MYT1L: variants seen among roughly 807,000 people sequenced by gnomAD.
The protein encoded by MYT1L is myelin transcription factor 1-like protein.
A neutral mutation model predicts 126.7 loss-of-function variants in MYT1L; 12 were observed. The observed-to-expected ratio is 0.09, with a 90% confidence interval of 0.06 to 0.15. The LOEUF (loss-of-function observed/expected upper bound fraction) is 0.15, where lower values mean the gene tolerates loss of function less well. Ranked by LOEUF, MYT1L falls within the 10% of genes least tolerant of loss-of-function variation. The probability of loss-of-function intolerance (pLI) is 1.00; values close to 1 mark genes in which losing one functional copy is unlikely to be tolerated. For missense variants in MYT1L, 979 were observed against 1,585.2 expected, an observed-to-expected ratio of 0.62 and a Z score of 6.49; for synonymous variants, 541 against 604.2, an observed-to-expected ratio of 0.90 and a Z score of 1.53.
intron 21 of MYT1L, chr2:1,816,236 C>T (rs997632630): frequency 6.6e-6 from 1 of 152,602 alleles, no homozygotes; most frequent in Non-Finnish European, 1.5e-5. Context: ...AAGCACTTTC[C>T]AGCTCAGGTA....
chr2:1,810,910 CCTGA>C lies in MYT1L; in HGVS notation c.3081-1747_3081-1744del, dbSNP rs140061192. Among the ~76,000 whole-genome samples, 1,059 of 152,182 alleles carry C rather than the reference CCTGA, an allele frequency of 7.0e-3. 11 individuals carry two copies. The highest frequency in any genetic ancestry group is 0.025 in the African/African-American group (1,021 of 41,506). On this transcript the variant is annotated intron_variant, in intron 21 of 24. Transcript: ENST00000647738. ...AAATTCTAAATAATCATTGCTGTTG[CCTGA>C]CTGTGTCCCCTGAAAACTCGTGCAC...
chr2:2,166,145 T>G (rs2089073920), intron 3 of MYT1L, among the ~76,000 whole-genome samples: 1 of 152,210 alleles, frequency 6.6e-6, no homozygotes. Context: ...CTCGTCTCCT[T>G]ATTTCCTTTC....
rs1269904211 is a variant in MYT1L, at chr2:1,852,197, G to A, written c.2712-494C>T. Among the ~76,000 whole-genome samples the A allele has an allele frequency of 1.3e-5, 2 of 152,158 alleles. No individual in the cohort carries two copies. Among genetic ancestry groups the A allele is most frequent in the Non-Finnish European group, 2.9e-5 (2 of 68,026 alleles). On this transcript the variant is annotated intron_variant, in intron 18 of 24. Coordinates refer to ENST00000647738, the MANE Select transcript of MYT1L (RefSeq NM_001303052.2). This position sits in a 1 kb window ranked among gnomAD's most constrained non-coding sequence, Gnocchi z 4.0. ...GACTGGCCAGGGCTGCGGCCAGCCTGGGTGGTCCCAGGGAGCAGTGAGGGT... is the reference window on the plus strand; with the variant it reads ...GACTGGCCAGGGCTGCGGCCAGCCTAGGTGGTCCCAGGGAGCAGTGAGGGT...
intron 1 of MYT1L, among the ~76,000 whole-genome samples, chr2:2,312,708 T>C (rs1401161306): frequency 1.3e-5 from 2 of 152,204 alleles, no homozygotes; most frequent in Admixed American, 6.5e-5. Context: ...ACTCTTCTTA[T>C]GTTTGGATCC....
chr2:1,904,506 C>T (rs376443963), intron 13 of MYT1L, among the ~76,000 whole-genome samples: 16 of 151,502 alleles, frequency 1.1e-4, no homozygotes, highest in African/African-American at 3.9e-4. Context: ...GTAGCTGGGA[C>T]TACAGGCGTG....
At chr2:2,032,018 G>A (rs1307699732) in intron 4 of MYT1L, among the ~76,000 whole-genome samples, 3 of 143,396 alleles carry the variant, frequency 2.1e-5, no homozygotes, top group Admixed American at 1.4e-4. Context: ...TCTAGAACGA[G>A]GGCCTTATAC....
chr2:1,932,481 T>C (rs1219451202), intron 9 of MYT1L, among the ~76,000 whole-genome samples: 4 of 152,170 alleles, frequency 2.6e-5, no homozygotes, highest in Non-Finnish European at 5.9e-5. Flanking sequence ...CTGTTTATTG[T>C]CACACTTAGA....
intron 2 of MYT1L, among the ~76,000 whole-genome samples, chr2:2,206,243 G>T (rs745876871): frequency 1.1e-3 from 164 of 152,222 alleles, no homozygotes; most frequent in Non-Finnish European, 2.1e-3. Context: ...CTCCCAAAGT[G>T]CTGGGATTAT....
intron 2 of MYT1L, among the ~76,000 whole-genome samples, chr2:2,267,943 C>T (rs2095173403): frequency 1.3e-5 from 2 of 152,032 alleles, no homozygotes; most frequent in Admixed American, 6.6e-5. Context: ...TTTAAGGTCA[C>T]GCATCCAATA....
rs566301736 is a variant in MYT1L, at chr2:1,926,488, G to C, written c.506-3225C>G. On this transcript the variant is annotated intron_variant, in intron 9 of 24. Coordinates refer to ENST00000647738, the MANE Select transcript of MYT1L (RefSeq NM_001303052.2). The stretch of plus-strand genomic sequence containing the variant: ...GAATTTTCTGGGCCAGTCTGGGGTT[G>C]AAAATGTGATACAAACAATCCACAA... Among the ~76,000 whole-genome samples, 14 of 152,306 alleles carry C rather than the reference G, an allele frequency of 9.2e-5. 2 individuals carry two copies. In the East Asian group the frequency reaches 2.5e-3, roughly 27 times the overall value.
At chr2:2,164,195 C>T (rs550953447) in intron 3 of MYT1L, among the ~76,000 whole-genome samples, 13 of 152,070 alleles carry the variant, frequency 8.5e-5, no homozygotes, top group South Asian at 6.2e-4. Context: ...TGTGAATAGG[C>T]GTTTGTTTTT....
chr2:2,037,608 T>C (rs1157515289), intron 4 of MYT1L, among the ~76,000 whole-genome samples: 1 of 151,648 alleles, frequency 6.6e-6, no homozygotes, highest in Admixed American at 6.6e-5. Flanking sequence ...ATACAAAAAC[T>C]AGCTGGTCAT....
At chr2:2,315,871 A>C (rs2096057274) in intron 1 of MYT1L, among the ~76,000 whole-genome samples, 1 of 152,154 alleles carries the variant, frequency 6.6e-6, no homozygotes, top group Non-Finnish European at 1.5e-5. Flanking sequence ...ATGTTTCTGC[A>C]TTTGTTTTCT....
chr2:1,994,384 C>A (rs1234449754), intron 5 of MYT1L, among the ~76,000 whole-genome samples: 1 of 151,534 alleles, frequency 6.6e-6, no homozygotes, highest in Admixed American at 6.6e-5. Flanking sequence ...CCTGCTCCCT[C>A]CTCCCAGCGA....
intron 21 of MYT1L, among the ~76,000 whole-genome samples, chr2:1,838,464 AG>A (rs1334259478): frequency 6.6e-6 from 1 of 152,110 alleles, no homozygotes; most frequent in Non-Finnish European, 1.5e-5. Flanking sequence ...ATCTCCCCAA[AG>A]GGTATGGCCT....
intron 18 of MYT1L, among the ~76,000 whole-genome samples, chr2:1,871,260 C>T (rs2046253422): frequency 6.6e-6 from 1 of 152,244 alleles, no homozygotes; most frequent in Admixed American, 6.5e-5. Context: ...CTACGGAAAT[C>T]TCTGTGTGCC....
intron 2 of MYT1L, among the ~76,000 whole-genome samples, chr2:2,206,200 A>T (rs571533428): frequency 1.5e-4 from 23 of 150,566 alleles, no homozygotes; most frequent in African/African-American, 5.4e-4. Context: ...CTGGTTTCGA[A>T]CTCCCGATCT....
chr2:2,284,980 T>TG (rs367614405), intron 1 of MYT1L, among the ~76,000 whole-genome samples: 22 of 152,296 alleles, frequency 1.4e-4, no homozygotes, highest in African/African-American at 4.6e-4. Flanking sequence ...CCTCCCAAAG[T>TG]GCTGGGATTA....
rs150644205 is a variant in MYT1L at position 2,053,655 on chromosome 2, C to T, written c.-158+323G>A. On this transcript the variant is annotated intron_variant, in intron 4 of 24. Transcript: ENST00000647738. ...ACACAGGGATCTGATTTTAAAGGGG[C>T]TTTGTACAAGGGAGCTTCTCTATGA... Among the ~76,000 whole-genome samples, 11 of 152,188 alleles carry T rather than the reference C, an allele frequency of 7.2e-5. 1 individual carries two copies. In the East Asian group the frequency reaches 9.7e-4, roughly 13 times the overall value.
Sources: allele counts gnomAD v4.1 joint callset (sites outside exome capture counted in the v4.1 genomes callset), GRCh38; gene constraint gnomAD v4.1.1; non-coding constraint Gnocchi (gnomAD v3.1); transcripts MANE v1.5; gene names NCBI Gene and HGNC (gene_info 2026-07-23, HGNC 2026-07-21).